The following CFAP95 variants were observed in gnomAD, a reference collection of about 807,000 sequenced individuals.
CFAP95 encodes cilia and flagella associated protein 95, also known as cilia- and flagella-associated protein 95.
At chr9:69,853,113 C>T in the CFAP95 span, among the ~76,000 whole-genome samples, 1 of 152,154 alleles carries the variant, frequency 6.6e-6, no homozygotes, top group African/African-American at 2.4e-5. Flanking sequence ...CTGTAAAGAA[C>T]CCAGGAAAGA....
At chr9:69,863,859 T>C in the CFAP95 span, among the ~76,000 whole-genome samples, 4 of 152,194 alleles carry the variant, frequency 2.6e-5, no homozygotes, top group African/African-American at 2.4e-5. Context: ...ACCGTTTCAC[T>C]TGACTTCACT....
At chr9:69,851,485 G>A in the CFAP95 span, among the ~76,000 whole-genome samples, 1 of 152,102 alleles carries the variant, frequency 6.6e-6, no homozygotes, top group Non-Finnish European at 1.5e-5. Context: ...GTCTGCAGAG[G>A]GAAGTGAGTG....
chr9:69,858,029 A>C, the CFAP95 span: 5 of 1,572,478 alleles, frequency 3.2e-6, no homozygotes, highest in East Asian at 1.1e-4. Flanking sequence ...TTGATTCAGA[A>C]GGTTTGTTTG....
chr9:69,839,886 G>A, the CFAP95 span, among the ~76,000 whole-genome samples: 1 of 150,390 alleles, frequency 6.6e-6, no homozygotes, highest in East Asian at 2.1e-4. Context: ...GACCAGCCTG[G>A]CCAACATGGT....
chr9:69,843,556 TC>T, the CFAP95 span, among the ~76,000 whole-genome samples: 10 of 20,426 alleles, frequency 4.9e-4, 1 homozygote, highest in South Asian at 0.013. Flanking sequence ...CTCCTCCTCC[TC>T]CTTCTTCTTC....
the CFAP95 span, among the ~76,000 whole-genome samples, chr9:69,850,036 G>A: frequency 6.6e-6 from 1 of 152,084 alleles, no homozygotes; most frequent in Non-Finnish European, 1.5e-5. Flanking sequence ...ACTACCAAAG[G>A]CCCTATCACA....
chr9:69,901,051 G>A, the CFAP95 span, among the ~76,000 whole-genome samples: 1 of 151,690 alleles, frequency 6.6e-6, no homozygotes, highest in East Asian at 1.9e-4. Flanking sequence ...GGTGTGTGAT[G>A]TTCCCCTTCT....
the CFAP95 span, chr9:69,821,004 A>G: frequency 1.2e-6 from 2 of 1,613,448 alleles, no homozygotes; most frequent in Non-Finnish European, 1.7e-6. Context: ...CACAAGAAAT[A>G]CTCGAAGCCG....
At chr9:69,838,768 T>C in the CFAP95 span, among the ~76,000 whole-genome samples, 1 of 133,486 alleles carries the variant, frequency 7.5e-6, no homozygotes, top group African/African-American at 2.8e-5. Flanking sequence ...TCCAACACTA[T>C]GTTGAATAGG....
the CFAP95 span, among the ~76,000 whole-genome samples, chr9:69,825,446 A>G: frequency 2.0e-5 from 3 of 152,172 alleles, no homozygotes; most frequent in Non-Finnish European, 4.4e-5. Context: ...AATCCTTTTT[A>G]GGGGATACCT....
At chr9:69,902,763 C>A in the CFAP95 span, among the ~76,000 whole-genome samples, 1 of 151,842 alleles carries the variant, frequency 6.6e-6, no homozygotes, top group African/African-American at 2.4e-5. Context: ...ATAATTATAC[C>A]CTCTAGGTTT....
chr9:69,832,979 T>C, the CFAP95 span, among the ~76,000 whole-genome samples: 2 of 152,326 alleles, frequency 1.3e-5, no homozygotes, highest in South Asian at 4.1e-4. Flanking sequence ...GTTTTTCTTC[T>C]ATTTTGATGG....
chr9:69,859,070 C>A, the CFAP95 span, among the ~76,000 whole-genome samples: 1 of 152,160 alleles, frequency 6.6e-6, no homozygotes, highest in African/African-American at 2.4e-5. Context: ...GTACTAAATT[C>A]TCTGCTGGAC....
chr9:69,825,695 G>A, the CFAP95 span, among the ~76,000 whole-genome samples: 1 of 152,116 alleles, frequency 6.6e-6, no homozygotes, highest in African/African-American at 2.4e-5. Flanking sequence ...CCCACTCATT[G>A]GAATGATGAA....
chr9:69,848,719 A>G, the CFAP95 span, among the ~76,000 whole-genome samples: 1 of 152,142 alleles, frequency 6.6e-6, no homozygotes, highest in Non-Finnish European at 1.5e-5. Flanking sequence ...CCCTGTTCCC[A>G]GTATAGTGGG....
chr9:69,901,769 C>T, the CFAP95 span, among the ~76,000 whole-genome samples: 15 of 152,288 alleles, frequency 9.8e-5, no homozygotes, highest in East Asian at 2.9e-3. Flanking sequence ...GCCACACTGA[C>T]TTCCACAATG....
chr9:69,867,588 G>A, the CFAP95 span, among the ~76,000 whole-genome samples: 2 of 152,200 alleles, frequency 1.3e-5, no homozygotes, highest in African/African-American at 4.8e-5. Context: ...TTATTTGCCT[G>A]CCCTCTGCAG....
At chr9:69,864,506 C>G in the CFAP95 span, among the ~76,000 whole-genome samples, 1 of 152,138 alleles carries the variant, frequency 6.6e-6, no homozygotes, top group African/African-American at 2.4e-5. Context: ...GGGATTGAAC[C>G]AAATGATCTG....
chr9:69,899,406 A>C, the CFAP95 span, among the ~76,000 whole-genome samples: 1 of 152,256 alleles, frequency 6.6e-6, no homozygotes, highest in African/African-American at 2.4e-5. Context: ...TAAGTTCTTC[A>C]ATCCATTTAA....
Sources: allele counts gnomAD v4.1 joint callset (sites outside exome capture counted in the v4.1 genomes callset), GRCh38; gene constraint gnomAD v4.1.1; transcripts MANE v1.5; gene names NCBI Gene and HGNC (gene_info 2026-07-23, HGNC 2026-07-21).